Variants in SLC35B3 observed in about 807,000 individuals in gnomAD.
SLC35B3 encodes solute carrier family 35 member B3, also known as adenosine 3'-phospho 5'-phosphosulfate transporter 2.
In SLC35B3, 35 loss-of-function variants were observed where a neutral mutation model predicts 44.1. That is an observed-to-expected ratio of 0.79 (90% CI 0.61 to 1.05). SLC35B3 has a LOEUF of 1.05. Among genes scored for constraint, SLC35B3 ranks in the 50% least tolerant of loss-of-function variants. The pLI is 0.00. For missense variants in SLC35B3, 414 were observed against 476.4 expected, an observed-to-expected ratio of 0.87 and a Z score of 1.22; for synonymous variants, 146 against 167.3, an observed-to-expected ratio of 0.87 and a Z score of 0.98.
Position 8,419,528 on chromosome 6 carries a change from T to C in SLC35B3, c.780+52A>G. Reference sequence around the variant, plus strand: ...TAATTATTTCATCAAATTACGTGTATCACCATTTTTTAAATCTGTCTAATT... The same window carrying C: ...TAATTATTTCATCAAATTACGTGTACCACCATTTTTTAAATCTGTCTAATT... On this transcript the variant is annotated intron_variant, in intron 7 of 10. Transcript: ENST00000644923. The surrounding 1 kb of genome is among the most constrained non-coding windows in gnomAD (Gnocchi z 4.3). 7 of 918,032 alleles carry C rather than the reference T, an allele frequency of 7.6e-6. No individual in the cohort carries two copies. The highest frequency in any genetic ancestry group is 1.8e-5 in the South Asian group (1 of 54,438). 56.9% of individuals were successfully genotyped at this position (918,032 alleles called of 1,614,324 possible). A position where few individuals can be genotyped will look rare whatever the true frequency, so the allele number is the denominator to read the frequency against.
intron 4 of SLC35B3, among the ~76,000 whole-genome samples, chr6:8,426,877 A>G (rs1763464555): frequency 6.6e-6 from 1 of 152,176 alleles, no homozygotes; most frequent in Admixed American, 6.5e-5. Flanking sequence ...AAAAGCTGAT[A>G]GTGATATGAA....
At position 8,413,676 on chromosome 6, in the gene SLC35B3, A is replaced by C. The variant is rs1177849394; in HGVS notation, c.1079T>G (p.Val360Gly). The stretch of plus-strand genomic sequence containing the variant: ...AACATTAAGAAATATACCAAGGACA[A>C]CTAACAAACCAGACCATACATACCT... The change falls in exon 11 of 11, where the codon GTT becomes GGT. Residue 360 changes from valine to glycine, a missense_variant. Physicochemically the swap from Val to Gly is moderately radical, Grantham distance 109 (BLOSUM62 -3). Transcript: ENST00000644923. The C allele has an allele frequency of 1.3e-6, 2 of 1,566,766 alleles. No individual in the cohort carries two copies. Among genetic ancestry groups the C allele is most frequent in the Admixed American group, 3.4e-5 (2 of 58,598 alleles).
At position 8,435,074 on chromosome 6, in the gene SLC35B3, C is replaced by T; in HGVS notation, c.-44+269G>A. On this transcript the variant is annotated intron_variant, in intron 1 of 10. Transcript: ENST00000644923. This position sits in a 1 kb window ranked among gnomAD's most constrained non-coding sequence, Gnocchi z 5.5. Reference sequence around the variant, plus strand: ...CGTAAAAGACCCCTTGAGGTCACCTCACCCCTGCGAGTCCACGGATTGGGA... The same window carrying T: ...CGTAAAAGACCCCTTGAGGTCACCTTACCCCTGCGAGTCCACGGATTGGGA... 1.6e-6 allele frequency: 2 copies of T among 1,218,852 alleles called. No individual in the cohort carries two copies. The highest frequency in any genetic ancestry group is 2.1e-6 in the Non-Finnish European group (2 of 958,094). The allele number at this position is 1,218,852 out of a possible 1,614,324, so 75.5% of individuals were successfully genotyped here.
intron 2 of SLC35B3, among the ~76,000 whole-genome samples, chr6:8,430,379 TATAAACC>T (rs1763853620): frequency 1.3e-5 from 2 of 151,988 alleles, no homozygotes; most frequent in Non-Finnish European, 2.9e-5. Context: ...TTAAACTGAA[TATAAACC>T]ATACTTATTT....
intron 10 of SLC35B3, among the ~76,000 whole-genome samples, chr6:8,413,987 C>A (rs545590183): frequency 6.6e-6 from 1 of 151,864 alleles, no homozygotes; most frequent in African/African-American, 2.4e-5. Flanking sequence ...AAGTACAGTC[C>A]CCTACCAAAA....
In SLC35B3 at chr6:8,419,186, C is replaced by G. The variant is rs745812733; in HGVS notation, c.780+394G>C. 2.4e-4 allele frequency among the ~76,000 whole-genome samples: 37 copies of G among 151,944 alleles called. No individual in the cohort carries two copies. Among genetic ancestry groups the G allele is most frequent in the Non-Finnish European group, 4.9e-4 (33 of 67,916 alleles). ...TAGTAGGCAACAGGGATGAAATGTT[C>G]TAAATCTCAGGGTTAGGAAAGCTCT... On this transcript the variant is annotated intron_variant, in intron 7 of 10. Transcript: ENST00000644923. This position sits in a 1 kb window ranked among gnomAD's most constrained non-coding sequence, Gnocchi z 4.3.
At chr6:8,423,431 A>C (rs912070909) in intron 4 of SLC35B3, among the ~76,000 whole-genome samples, 7 of 152,004 alleles carry the variant, frequency 4.6e-5, no homozygotes, top group Non-Finnish European at 1.0e-4. Context: ...CATGATTTCA[A>C]GTCTTTTAAC....
chr6:8,417,998 C>T (rs1229732553), intron 7 of SLC35B3, among the ~76,000 whole-genome samples: 3 of 152,086 alleles, frequency 2.0e-5, no homozygotes, highest in African/African-American at 7.2e-5. Context: ...GCAGCAGCAG[C>T]AAACCTAAAT....
chr6:8,417,361 T>C, intron 8 of SLC35B3, 41 bp downstream of exon 7: 4 of 1,275,038 alleles, frequency 3.1e-6, no homozygotes, highest in Non-Finnish European at 4.5e-6. Context: ...AGAAAATTAT[T>C]TAACAGAAGA....
At position 8,417,008 on chromosome 6, in the gene SLC35B3, A is replaced by G; in HGVS notation, c.874-13T>C. The G allele has an allele frequency of 1.4e-6, 2 of 1,436,300 alleles. No homozygotes were observed. Among genetic ancestry groups the G allele is most frequent in the Non-Finnish European group, 1.9e-6 (2 of 1,053,358 alleles). 89.0% of individuals were successfully genotyped at this position (1,436,300 alleles called of 1,614,324 possible). ...TCCGAACTGGATTCTGCAAAAAATA[A>G]AAAAGCCTGTTAGAAAAATGTAAAA... is the stretch of plus-strand genomic sequence containing the variant. On this transcript the variant is annotated splice_polypyrimidine_tract_variant and intron_variant, in intron 8 of 10. Transcript: ENST00000644923.
Position 8,435,332 on chromosome 6 carries a change from G to C in SLC35B3, c.-44+11C>G. 1 of 1,289,308 alleles carries C rather than the reference G, an allele frequency of 7.8e-7. No individual in the cohort carries two copies. Among genetic ancestry groups the C allele is most frequent in the South Asian group, 1.2e-5 (1 of 81,022 alleles). The allele number at this position is 1,289,308 out of a possible 1,614,324, so 79.9% of individuals were successfully genotyped here. A position where few individuals can be genotyped will look rare whatever the true frequency, so the allele number is the denominator to read the frequency against. ...TCCCAAACACAGGAAAGGCCCCGAA[G>C]GCACGCGTACCCCAAGGCCGGTATG... On this transcript the variant is annotated intron_variant, in intron 1 of 10. Transcript: ENST00000644923. This position sits in a 1 kb window ranked among gnomAD's most constrained non-coding sequence, Gnocchi z 5.5.
intron 9 of SLC35B3, 21 bp downstream of exon 8, chr6:8,416,863 A>G: frequency 1.6e-6 from 2 of 1,250,488 alleles, no homozygotes; most frequent in Middle Eastern, 3.8e-4. Flanking sequence ...TTTATAATCA[A>G]AGCAAGTAAA....
In SLC35B3 at chr6:8,417,537, T is replaced by G. The variant is rs570966325; in HGVS notation, c.781-43A>C. On this transcript the variant is annotated intron_variant, in intron 7 of 10. Transcript: ENST00000644923. ...AAAGCAGAAAAAAGTACTATGAAAC[T>G]GAAAATGGAAGATTAAGGGTTTTAA... 4 of 1,208,092 alleles carry G rather than the reference T, an allele frequency of 3.3e-6. No individual in the cohort carries two copies. The South Asian group carries it at 4.2e-5, about 13-fold the overall frequency. 74.8% of individuals were successfully genotyped at this position (1,208,092 alleles called of 1,614,324 possible).
chr6:8,429,725 C>T, intron 3 of SLC35B3, 139 bp downstream of exon 2: 1 of 569,334 alleles, frequency 1.8e-6, no homozygotes, highest in Non-Finnish European at 2.9e-6. Context: ...AAGCTCTTTT[C>T]TACTCTATAC....
rs78779941 is a variant in SLC35B3 at position 8,434,308 on chromosome 6, A to G, written c.3+77T>C. On this transcript the variant is annotated intron_variant, in intron 2 of 10. Coordinates refer to ENST00000644923, the MANE Select transcript of SLC35B3 (RefSeq NM_001370476.2). The surrounding 1 kb of genome is among the most constrained non-coding windows in gnomAD (Gnocchi z 6.3). ...GGTAGAATATGAAAAAAAAGTCATTACGGTGTCATTAACCTGAAAAAACGT... is the reference window on the plus strand; with the variant it reads ...GGTAGAATATGAAAAAAAAGTCATTGCGGTGTCATTAACCTGAAAAAACGT... 2.9e-6 allele frequency: 4 copies of G among 1,374,422 alleles called. No homozygotes were observed. Among genetic ancestry groups the G allele is most frequent in the Non-Finnish European group, 4.1e-6 (4 of 969,834 alleles). 85.1% of individuals were successfully genotyped at this position (1,374,422 alleles called of 1,614,324 possible).
chr6:8,421,511 A>T (rs1016570603), intron 5 of SLC35B3, among the ~76,000 whole-genome samples: 1 of 152,202 alleles, frequency 6.6e-6, no homozygotes, highest in Non-Finnish European at 1.5e-5. Flanking sequence ...CTGGGATGGT[A>T]TCTAATGCAT....
chr6:8,430,660 G>A (rs1310295496), intron 2 of SLC35B3, among the ~76,000 whole-genome samples: 3 of 152,028 alleles, frequency 2.0e-5, no homozygotes, highest in African/African-American at 7.2e-5. Flanking sequence ...CAGAGAGGTT[G>A]CTTGAGACCA....
intron 3 of SLC35B3, among the ~76,000 whole-genome samples, chr6:8,428,766 A>AG (rs1357804684): frequency 6.6e-6 from 1 of 152,182 alleles, no homozygotes; most frequent in Admixed American, 6.5e-5. Context: ...GAAGAAAAAA[A>AG]TGTTTCTAAA....
Position 8,429,644 on chromosome 6 carries a change from T to G in SLC35B3, c.297+220A>C, listed in dbSNP as rs1173397348. ...AAACTTAATTTTCATAATGAAAATTTTTCAAGATAGTCTCTACATATGCCT... is the reference window on the plus strand; with the variant it reads ...AAACTTAATTTTCATAATGAAAATTGTTCAAGATAGTCTCTACATATGCCT... On this transcript the variant is annotated intron_variant, in intron 3 of 10. Coordinates refer to ENST00000644923, the MANE Select transcript of SLC35B3 (RefSeq NM_001370476.2). 8.6e-6 allele frequency: 3 copies of G among 350,238 alleles called. No individual in the cohort carries two copies. The East Asian group carries it at 1.4e-4, about 16-fold the overall frequency. The allele number at this position is 350,238 out of a possible 1,614,324, so 21.7% of individuals were successfully genotyped here. A position where few individuals can be genotyped will look rare whatever the true frequency, so the allele number is the denominator to read the frequency against.
Sources: allele counts gnomAD v4.1 joint callset (sites outside exome capture counted in the v4.1 genomes callset), GRCh38; gene constraint gnomAD v4.1.1; non-coding constraint Gnocchi (gnomAD v3.1); transcripts MANE v1.5; gene names NCBI Gene and HGNC (gene_info 2026-07-23, HGNC 2026-07-21).